Variants in REDIC1 observed in about 807,000 individuals in gnomAD.
REDIC1 encodes the protein HEI10 Interacting Protein 1.
At chr12:39,664,537 C>G in the REDIC1 span, among the ~76,000 whole-genome samples, 1 of 152,046 alleles carries the variant, frequency 6.6e-6, no homozygotes, top group East Asian at 1.9e-4. Flanking sequence ...AATAAACATA[C>G]GTGTGCATGT....
the REDIC1 span, among the ~76,000 whole-genome samples, chr12:39,781,449 C>T: frequency 6.6e-6 from 1 of 152,190 alleles, no homozygotes; most frequent in East Asian, 1.9e-4. Context: ...CACCACTATG[C>T]CCCAGGGGCT....
At chr12:39,724,791 A>C in the REDIC1 span, among the ~76,000 whole-genome samples, 24 of 152,148 alleles carry the variant, frequency 1.6e-4, no homozygotes, top group Admixed American at 1.6e-3. Flanking sequence ...AGTGAAATAT[A>C]TATAAGCATA....
the REDIC1 span, among the ~76,000 whole-genome samples, chr12:39,878,474 G>A: frequency 9.2e-5 from 14 of 152,224 alleles, no homozygotes; most frequent in Non-Finnish European, 1.8e-4. Flanking sequence ...CAAAGGTCAT[G>A]TGTATTATGC....
the REDIC1 span, among the ~76,000 whole-genome samples, chr12:39,631,405 T>C: frequency 2.0e-5 from 3 of 152,182 alleles, no homozygotes; most frequent in Non-Finnish European, 4.4e-5. Context: ...TCAGATATAT[T>C]GGAATATTGT....
chr12:39,811,708 T>G, the REDIC1 span, among the ~76,000 whole-genome samples: 2 of 152,306 alleles, frequency 1.3e-5, no homozygotes, highest in East Asian at 3.9e-4. Flanking sequence ...GGCCACTTTA[T>G]TATAAGCCAT....
At chr12:39,869,919 G>A in the REDIC1 span, among the ~76,000 whole-genome samples, 1 of 152,180 alleles carries the variant, frequency 6.6e-6, no homozygotes, top group African/African-American at 2.4e-5. Flanking sequence ...CTGTAAATGT[G>A]TTAAATCCTC....
the REDIC1 span, among the ~76,000 whole-genome samples, chr12:39,896,742 T>C: frequency 2.0e-5 from 3 of 152,040 alleles, no homozygotes; most frequent in African/African-American, 7.2e-5. Context: ...TAAAACATCT[T>C]GCAGTTTCTA....
chr12:39,797,673 G>A, the REDIC1 span, among the ~76,000 whole-genome samples: 1 of 151,360 alleles, frequency 6.6e-6, no homozygotes, highest in Non-Finnish European at 1.5e-5. Flanking sequence ...ATGCAAGTGT[G>A]CTTTCAAATA....
At chr12:39,714,276 T>C in the REDIC1 span, among the ~76,000 whole-genome samples, 7 of 147,938 alleles carry the variant, frequency 4.7e-5, no homozygotes, top group South Asian at 8.5e-4. Flanking sequence ...TATGTATATA[T>C]GTATATACGT....
the REDIC1 span, among the ~76,000 whole-genome samples, chr12:39,740,681 G>T: frequency 6.6e-6 from 1 of 152,172 alleles, no homozygotes; most frequent in Non-Finnish European, 1.5e-5. Context: ...GGAATATAGT[G>T]AGGAAGAAAG....
chr12:39,712,153 C>CATGTATATGTACATACATATATACCTGT, the REDIC1 span, among the ~76,000 whole-genome samples: 93 of 95,088 alleles, frequency 9.8e-4, no homozygotes, highest in African/African-American at 3.0e-3. Flanking sequence ...TACATCTATA[C>CATGTATATGTACATACATATATACCTGT]ATGTATATGT....
chr12:39,717,606 T>C, the REDIC1 span, among the ~76,000 whole-genome samples: 3 of 151,990 alleles, frequency 2.0e-5, no homozygotes, highest in Non-Finnish European at 4.4e-5. Context: ...GCAGGCACAC[T>C]TGGTGTAACT....
At chr12:39,705,998 G>A in the REDIC1 span, among the ~76,000 whole-genome samples, 1 of 151,954 alleles carries the variant, frequency 6.6e-6, no homozygotes, top group Non-Finnish European at 1.5e-5. Flanking sequence ...GAAATAAAGG[G>A]CATCCAAATT....
At chr12:39,686,418 C>T in the REDIC1 span, among the ~76,000 whole-genome samples, 1 of 152,230 alleles carries the variant, frequency 6.6e-6, no homozygotes, top group East Asian at 1.9e-4. Flanking sequence ...CAGTTTGCAT[C>T]CTCTGAAGCA....
At chr12:39,641,442 A>G in the REDIC1 span, among the ~76,000 whole-genome samples, 76 of 151,890 alleles carry the variant, frequency 5.0e-4, no homozygotes, top group Non-Finnish European at 8.6e-4. Context: ...GATATGTACA[A>G]GATTTGTTTG....
the REDIC1 span, chr12:39,721,182 C>T: frequency 3.1e-6 from 5 of 1,613,498 alleles, no homozygotes; most frequent in Admixed American, 6.7e-5. Context: ...CTCTTTGCAA[C>T]CTTGAAAGGT....
At chr12:39,892,957 C>T in the REDIC1 span, among the ~76,000 whole-genome samples, 1 of 152,026 alleles carries the variant, frequency 6.6e-6, no homozygotes, top group South Asian at 2.1e-4. Flanking sequence ...ATTTATCAAA[C>T]CATATAATCA....
the REDIC1 span, among the ~76,000 whole-genome samples, chr12:39,862,193 AAGG>A: frequency 6.6e-6 from 1 of 152,216 alleles, no homozygotes; most frequent in East Asian, 1.9e-4. Flanking sequence ...ATATTCTAAA[AAGG>A]AGATGTCCTC....
At chr12:39,738,994 T>A in the REDIC1 span, among the ~76,000 whole-genome samples, 1 of 152,022 alleles carries the variant, frequency 6.6e-6, no homozygotes, top group Non-Finnish European at 1.5e-5. Context: ...GATATATTTC[T>A]GATTCAATAT....
Sources: gnomAD v4.1 joint callset for allele counts (sites outside exome capture counted in the v4.1 genomes callset) on GRCh38, gnomAD v4.1.1 for gene constraint, MANE v1.5 for transcripts, NCBI Gene and HGNC (gene_info 2026-07-23, HGNC 2026-07-21) for gene names.